The following SRGAP3 variants were observed in gnomAD, a reference collection of about 807,000 sequenced individuals.
SRGAP3 encodes the protein SLIT-ROBO Rho GTPase activating protein 3.
SRGAP3 carries 39 observed loss-of-function variants against 121.1 expected under a neutral mutation model. That is an observed-to-expected ratio of 0.32 (90% CI 0.25 to 0.42). The LOEUF (loss-of-function observed/expected upper bound fraction) is 0.42, where lower values mean the gene tolerates loss of function less well. SRGAP3 is among the 10% of genes least tolerant of loss of function. The pLI is 1.00. For missense variants in SRGAP3, 1,213 were observed against 1,470.6 expected (o/e 0.82, Z 2.86); for synonymous variants, 601 against 570.0 (o/e 1.05, Z -0.77).
In SRGAP3 at chr3:9,265,173, G is replaced by A. The variant is rs1399997623; in HGVS notation, n.442+60837C>T. On this transcript the variant is annotated intron_variant and non_coding_transcript_variant, in intron 3 of 3. Coordinates refer to the SRGAP3 transcript ENST00000490889. ...TGTTGGAAAAACTGGCTAGCCATAT[G>A]CAGAAAACGGAAACTGGACCCCTTC... Among the ~76,000 whole-genome samples, 9 of 152,292 alleles carry A rather than the reference G, an allele frequency of 5.9e-5. No homozygotes were observed. In the East Asian group the frequency reaches 1.7e-3, roughly 29 times the overall value.
At chr3:9,187,236 G>C (rs1574835409) in intron 1 of SRGAP3, among the ~76,000 whole-genome samples, 1 of 151,736 alleles carries the variant, frequency 6.6e-6, no homozygotes, top group Non-Finnish European at 1.5e-5. Flanking sequence ...TCTTGTGTTA[G>C]TTTGTCCCTC....
chr3:9,042,347 A>G (rs1945059699), intron 10 of SRGAP3, among the ~76,000 whole-genome samples: 1 of 152,020 alleles, frequency 6.6e-6, no homozygotes, highest in Non-Finnish European at 1.5e-5. Context: ...AGTGGCCACC[A>G]TACTGGACAG....
Position 9,188,944 on chromosome 3 carries a change from C to T in SRGAP3, c.67+59941G>A, listed in dbSNP as rs577732291. ...GTAAACTTGAGAAAGGGTGGTATTC[C>T]TAAGCAGAGCACTGGATTCATTGAA... is the stretch of plus-strand genomic sequence containing the variant. On this transcript the variant is annotated intron_variant, in intron 1 of 21. Transcript: ENST00000383836. Among the ~76,000 whole-genome samples, 244 of 152,226 alleles carry T rather than the reference C, an allele frequency of 1.6e-3. 1 individual carries two copies. The highest frequency in any genetic ancestry group is 4.6e-3 in the South Asian group (22 of 4,822).
intron 2 of SRGAP3, among the ~76,000 whole-genome samples, chr3:9,329,445 C>T (rs901627376): frequency 6.6e-6 from 1 of 152,114 alleles, no homozygotes; most frequent in Non-Finnish European, 1.5e-5. Flanking sequence ...TGATAAAACA[C>T]AGACATTAGC....
chr3:9,283,367 T>C (rs1954714606), intron 3 of SRGAP3, among the ~76,000 whole-genome samples: 1 of 152,242 alleles, frequency 6.6e-6, no homozygotes, highest in Non-Finnish European at 1.5e-5. Flanking sequence ...TTATGCATGA[T>C]TTTGTAACAT....
At chr3:9,123,392 TACACAATAC>T (rs55803439) in intron 2 of SRGAP3, among the ~76,000 whole-genome samples, 8 of 11,136 alleles carry the variant, frequency 7.2e-4, no homozygotes, top group African/African-American at 1.6e-3. Flanking sequence ...TATATATACA[TACACAATAC>T]ACATACATAC....
intron 3 of SRGAP3, among the ~76,000 whole-genome samples, chr3:9,286,795 G>C (rs544844771): frequency 1.3e-5 from 2 of 151,002 alleles, no homozygotes; most frequent in Non-Finnish European, 3.0e-5. Context: ...GTAGAGACGG[G>C]GTCTCACTGT....
intron 1 of SRGAP3, among the ~76,000 whole-genome samples, chr3:9,163,748 G>A (rs187907641): frequency 6.1e-4 from 93 of 152,268 alleles, no homozygotes; most frequent in African/African-American, 2.2e-3. Flanking sequence ...CAGGGCTGGG[G>A]TGAGTCAGAG....
At chr3:8,996,583 A>G (rs1008868447) in intron 18 of SRGAP3, among the ~76,000 whole-genome samples, 1 of 152,232 alleles carries the variant, frequency 6.6e-6, no homozygotes, top group Non-Finnish European at 1.5e-5. Context: ...AGGTGGGGAA[A>G]TGACAGCACC....
At chr3:9,096,822 C>T (rs1947984725) in intron 3 of SRGAP3, among the ~76,000 whole-genome samples, 1 of 148,918 alleles carries the variant, frequency 6.7e-6, no homozygotes, top group African/African-American at 2.5e-5. Context: ...TCTCCAATCT[C>T]ATTCTCATTA....
intron 1 of SRGAP3, among the ~76,000 whole-genome samples, chr3:9,360,055 C>A (rs1052337757): frequency 6.6e-6 from 1 of 152,148 alleles, no homozygotes; most frequent in African/African-American, 2.4e-5. Context: ...TCAGCCTCTT[C>A]AGTGTCTGGT....
rs892490857 is a variant in SRGAP3, at chr3:9,133,952, G to A, written c.68-9035C>T. Among the ~76,000 whole-genome samples, 102 of 152,342 alleles carry A rather than the reference G, an allele frequency of 6.7e-4. 3 individuals are homozygous for A. The highest frequency in any genetic ancestry group is 6.8e-3 in the Middle Eastern group (2 of 294). On this transcript the variant is annotated intron_variant, in intron 1 of 21. Coordinates refer to ENST00000383836, the MANE Select transcript of SRGAP3 (RefSeq NM_014850.4). ...AGTTTAGTTTAGCGCTAGGTATCAG[G>A]AAGGGGCTTATTATACTATTCTCTC...
At chr3:9,102,074 G>A (rs1018764362) in intron 3 of SRGAP3, among the ~76,000 whole-genome samples, 2 of 152,352 alleles carry the variant, frequency 1.3e-5, no homozygotes, top group East Asian at 1.9e-4. Flanking sequence ...CCTAGAAGCC[G>A]CTCCCATCTC....
intron 4 of SRGAP3, among the ~76,000 whole-genome samples, chr3:9,078,888 C>T (rs1388672666): frequency 6.6e-6 from 1 of 152,128 alleles, no homozygotes; most frequent in Non-Finnish European, 1.5e-5. Context: ...ACTCTCAGCC[C>T]CGTTTTACTG....
intron 1 of SRGAP3, among the ~76,000 whole-genome samples, chr3:9,347,985 C>A (rs1458590193): frequency 6.6e-6 from 1 of 152,210 alleles, no homozygotes; most frequent in Non-Finnish European, 1.5e-5. Flanking sequence ...TACTCACCAA[C>A]AGGCACTAGA....
At chr3:9,304,397 G>A (rs1955122488) in intron 3 of SRGAP3, among the ~76,000 whole-genome samples, 1 of 152,132 alleles carries the variant, frequency 6.6e-6, no homozygotes. Context: ...CTCAAACCCA[G>A]AGTAGTTACA....
At chr3:9,055,266 C>A (rs1419393624) in intron 8 of SRGAP3, among the ~76,000 whole-genome samples, 1 of 152,220 alleles carries the variant, frequency 6.6e-6, no homozygotes, top group Admixed American at 6.5e-5. Context: ...GTTGCTGTCT[C>A]TGCCCAGGAT....
At chr3:9,004,908 A>G (rs1942977633) in intron 18 of SRGAP3, among the ~76,000 whole-genome samples, 2 of 152,252 alleles carry the variant, frequency 1.3e-5, no homozygotes, top group African/African-American at 4.8e-5. Context: ...AAAAGAAAAA[A>G]TAGATGAATG....
In SRGAP3 at chr3:9,013,906, G is replaced by A. The variant is rs939118957; in HGVS notation, c.1814-64C>T. 6.7e-6 allele frequency: 10 copies of A among 1,487,802 alleles called. No individual in the cohort carries two copies. In the East Asian group the frequency reaches 1.8e-4, roughly 27 times the overall value. 92.2% of individuals were successfully genotyped at this position (1,487,802 alleles called of 1,614,324 possible). On this transcript the variant is annotated intron_variant, in intron 15 of 21. Transcript: ENST00000383836. ...TCAGAGAGCAAAGCAACAAACATTC[G>A]CTCGCCACATCTCCTATATCAACCC... is the stretch of plus-strand genomic sequence containing the variant.
Sources: gnomAD v4.1 joint callset for allele counts (sites outside exome capture counted in the v4.1 genomes callset) on GRCh38, gnomAD v4.1.1 for gene constraint, MANE v1.5 for transcripts, NCBI Gene and HGNC (gene_info 2026-07-23, HGNC 2026-07-21) for gene names.